ZNF804B: variants seen among roughly 807,000 people sequenced by gnomAD.
The protein encoded by ZNF804B is zinc finger 804B.
A neutral mutation model predicts 101.4 loss-of-function variants in ZNF804B; 80 were observed. That is an observed-to-expected ratio of 0.79 (90% CI 0.66 to 0.95). The LOEUF (loss-of-function observed/expected upper bound fraction) is 0.95. Among genes scored for constraint, ZNF804B ranks in the 40% least tolerant of loss-of-function variants. ZNF804B has a pLI of 0.00. For synonymous variants in ZNF804B, 622 were observed against 558.8 expected, an observed-to-expected ratio of 1.11 and a Z score of -1.59; for missense variants, 1,673 against 1,561.9, an observed-to-expected ratio of 1.07 and a Z score of -1.20.
chr7:89,078,035 A>G (rs960338469), intron 1 of ZNF804B, among the ~76,000 whole-genome samples: 1 of 152,134 alleles, frequency 6.6e-6, no homozygotes, highest in Non-Finnish European at 1.5e-5. Flanking sequence ...TAAAGGCATT[A>G]CTCTAATTAA....
At chr7:88,905,472 C>T (rs1792455367) in intron 1 of ZNF804B, among the ~76,000 whole-genome samples, 1 of 152,052 alleles carries the variant, frequency 6.6e-6, no homozygotes, top group Non-Finnish European at 1.5e-5. Flanking sequence ...ATTCTCCTGC[C>T]TCAACCTCCC....
At chr7:89,277,400 C>A (rs1246120135) in intron 2 of ZNF804B, among the ~76,000 whole-genome samples, 1 of 144,626 alleles carries the variant, frequency 6.9e-6, no homozygotes, top group African/African-American at 2.6e-5. Flanking sequence ...CATATTTATA[C>A]ATGTGACATG....
In ZNF804B at chr7:88,915,630, T is replaced by C. The variant is rs554820709; in HGVS notation, c.108+155546T>C. 2.0e-5 allele frequency among the ~76,000 whole-genome samples: 3 copies of C among 152,032 alleles called. No homozygotes were observed. The East Asian group carries it at 5.8e-4, about 29-fold the overall frequency. On this transcript the variant is annotated intron_variant, in intron 1 of 3. Transcript: ENST00000333190. Reference sequence around the variant, plus strand: ...GATTTTGTAGAAGTTGTACTCTAAGTGTAGGTTAATAGACACTAAATTATT... The same window carrying C: ...GATTTTGTAGAAGTTGTACTCTAAGCGTAGGTTAATAGACACTAAATTATT...
chr7:89,249,938 A>T (rs1221092494), intron 2 of ZNF804B, among the ~76,000 whole-genome samples: 1 of 152,194 alleles, frequency 6.6e-6, no homozygotes, highest in Admixed American at 6.6e-5. Flanking sequence ...CAGTAATCCC[A>T]GCACTTTGGG....
chr7:89,306,088 G>T (rs1290258226), intron 2 of ZNF804B, among the ~76,000 whole-genome samples: 5 of 151,928 alleles, frequency 3.3e-5, no homozygotes, highest in Admixed American at 3.3e-4. Flanking sequence ...GCACCATTAA[G>T]TATCACCAAA....
chr7:89,230,289 G>A (rs1440667984), intron 2 of ZNF804B, among the ~76,000 whole-genome samples: 1 of 130,052 alleles, frequency 7.7e-6, no homozygotes, highest in African/African-American at 3.0e-5. Flanking sequence ...ACTAAGGAGA[G>A]AGATAGACAT....
intron 1 of ZNF804B, among the ~76,000 whole-genome samples, chr7:89,152,991 G>A (rs1411780009): frequency 1.3e-5 from 2 of 152,062 alleles, no homozygotes; most frequent in East Asian, 3.9e-4. Context: ...AAACTTAAAT[G>A]TCATAAATCT....
chr7:89,295,104 C>T (rs1200231283), intron 2 of ZNF804B, among the ~76,000 whole-genome samples: 1 of 152,080 alleles, frequency 6.6e-6, no homozygotes, highest in South Asian at 2.1e-4. Flanking sequence ...CCTTTCCTGC[C>T]TCTGCAATTA....
chr7:89,320,683 A>G (rs557484888), intron 2 of ZNF804B, among the ~76,000 whole-genome samples: 9 of 152,242 alleles, frequency 5.9e-5, no homozygotes, highest in African/African-American at 1.9e-4. Flanking sequence ...GAGTATCCCT[A>G]AAAGGACAGA....
intron 1 of ZNF804B, among the ~76,000 whole-genome samples, chr7:88,927,519 G>A (rs918491497): frequency 6.6e-6 from 1 of 152,064 alleles, no homozygotes; most frequent in African/African-American, 2.4e-5. Context: ...GACCCTATAC[G>A]TTACTCATCT....
chr7:88,970,304 A>G (rs1793512919), intron 1 of ZNF804B, among the ~76,000 whole-genome samples: 1 of 151,196 alleles, frequency 6.6e-6, no homozygotes, highest in Admixed American at 6.6e-5. Context: ...CCCATCACCT[A>G]GGTATTAAAG....
chr7:89,299,262 G>A lies in ZNF804B; in HGVS notation c.250-28082G>A, dbSNP rs183600762. Among the ~76,000 whole-genome samples, 194 of 152,098 alleles carry A rather than the reference G, an allele frequency of 1.3e-3. 1 individual carries two copies. Among genetic ancestry groups the A allele is most frequent in the Admixed American group, 2.8e-3 (42 of 15,236 alleles). ...ATGGTCTATTTGACCAACTATTCAT[G>A]TATTACTCTAGGAATTCTATGTTAT... On this transcript the variant is annotated intron_variant, in intron 2 of 3. Coordinates refer to ENST00000333190, the MANE Select transcript of ZNF804B (RefSeq NM_181646.5).
intron 1 of ZNF804B, among the ~76,000 whole-genome samples, chr7:89,012,505 A>T (rs1188862609): frequency 6.6e-6 from 1 of 152,146 alleles, no homozygotes; most frequent in African/African-American, 2.4e-5. Context: ...CAAGTTCAAA[A>T]TTCCATAAAT....
intron 1 of ZNF804B, among the ~76,000 whole-genome samples, chr7:89,023,268 A>G (rs1788696299): frequency 6.6e-6 from 1 of 152,162 alleles, no homozygotes; most frequent in Non-Finnish European, 1.5e-5. Context: ...AGTGAACTCA[A>G]TTGGCTGTTT....
chr7:88,911,127 A>G (rs1792543997), intron 1 of ZNF804B, among the ~76,000 whole-genome samples: 2 of 152,036 alleles, frequency 1.3e-5, no homozygotes, highest in Non-Finnish European at 2.9e-5. Context: ...CAATGTTAGG[A>G]TAACAGTTTA....
At chr7:89,067,430 C>T (rs1044323216) in intron 1 of ZNF804B, among the ~76,000 whole-genome samples, 1 of 152,156 alleles carries the variant, frequency 6.6e-6, no homozygotes, top group African/African-American at 2.4e-5. Context: ...TGTACAAACT[C>T]CTTAACAGCA....
At chr7:89,245,780 A>T (rs2115774011) in intron 2 of ZNF804B, among the ~76,000 whole-genome samples, 1 of 152,274 alleles carries the variant, frequency 6.6e-6, no homozygotes, top group East Asian at 1.9e-4. Context: ...CCTGGGAAGG[A>T]GAACATGAGC....
chr7:89,116,027 C>T (rs4360216), intron 1 of ZNF804B, among the ~76,000 whole-genome samples: 104,958 of 151,094 alleles, frequency 0.69, 37,004 homozygotes, highest in African/African-American at 0.81. Context: ...ACCTCAGCCT[C>T]CTGAGTAGCT....
At chr7:89,149,437 A>G (rs570377165) in intron 1 of ZNF804B, among the ~76,000 whole-genome samples, 34 of 152,228 alleles carry the variant, frequency 2.2e-4, no homozygotes, top group Non-Finnish European at 2.9e-5. Flanking sequence ...CCAGCCTTAT[A>G]GTGTATATAA....
Sources: allele counts gnomAD v4.1 joint callset (sites outside exome capture counted in the v4.1 genomes callset), GRCh38; gene constraint gnomAD v4.1.1; transcripts MANE v1.5; gene names NCBI Gene and HGNC (gene_info 2026-07-23, HGNC 2026-07-21).